EPM2A: variants seen among roughly 807,000 people sequenced by gnomAD.
EPM2A encodes laforin.
A neutral mutation model predicts 26.5 loss-of-function variants in EPM2A; 21 were observed. The ratio of observed to expected loss-of-function variants is 0.79; its 90% CI spans 0.56 to 1.14. The LOEUF is 1.14. Ranked by LOEUF, EPM2A falls within the 50% of genes most tolerant of loss-of-function variation. The pLI, the probability that EPM2A is intolerant of heterozygous loss-of-function variation, is 0.00. For missense variants in EPM2A, 458 were observed against 440.8 expected (o/e 1.04, Z -0.35); for synonymous variants, 217 against 177.6 (o/e 1.22, Z -1.76).
At chr6:145,526,274 T>A (rs377343618) in intron 2 of EPM2A, among the ~76,000 whole-genome samples, 104 of 152,132 alleles carry the variant, frequency 6.8e-4, no homozygotes, top group African/African-American at 2.4e-3. Context: ...CTTCCCAGGT[T>A]TGAGTATCAG....
intron 2 of EPM2A, among the ~76,000 whole-genome samples, chr6:145,503,346 A>G (rs1779922435): frequency 6.9e-6 from 1 of 145,958 alleles, no homozygotes; most frequent in Non-Finnish European, 1.5e-5. Flanking sequence ...AGAAAACCCC[A>G]TCGTCTCAGC....
chr6:145,618,812 T>G (rs1775570081), intron 2 of EPM2A, among the ~76,000 whole-genome samples: 1 of 152,122 alleles, frequency 6.6e-6, no homozygotes, highest in Admixed American at 6.5e-5. Context: ...TACTTTTTTC[T>G]GAGAAAAACG....
chr6:145,427,826 T>C (rs947007217), intron 4 of EPM2A, among the ~76,000 whole-genome samples: 1 of 152,174 alleles, frequency 6.6e-6, no homozygotes, highest in Non-Finnish European at 1.5e-5. Flanking sequence ...ACTTTCTTAT[T>C]GTTAGTATTT....
chr6:145,650,862 A>G (rs1777835622), intron 2 of EPM2A, among the ~76,000 whole-genome samples: 1 of 152,186 alleles, frequency 6.6e-6, no homozygotes, highest in African/African-American at 2.4e-5. Context: ...TTTCTTAGGC[A>G]CTGTGCTAGA....
At chr6:145,465,007 T>C (rs1779370145) in intron 4 of EPM2A, among the ~76,000 whole-genome samples, 1 of 152,104 alleles carries the variant, frequency 6.6e-6, no homozygotes, top group Non-Finnish European at 1.5e-5. Flanking sequence ...ATTTCCTGAA[T>C]CTGAATGTTG....
intron 1 of EPM2A, among the ~76,000 whole-genome samples, chr6:145,710,695 A>G (rs1183461870): frequency 6.6e-6 from 1 of 152,188 alleles, no homozygotes; most frequent in Non-Finnish European, 1.5e-5. Flanking sequence ...GGCATTATTC[A>G]CAATAGCAAA....
intron 1 of EPM2A, among the ~76,000 whole-genome samples, chr6:145,727,054 T>C (rs1480530263): frequency 6.6e-6 from 1 of 152,132 alleles, no homozygotes. Context: ...TAAAAATACA[T>C]GTAATATAAT....
At chr6:145,530,199 C>A (rs1461466980) in intron 2 of EPM2A, among the ~76,000 whole-genome samples, 2 of 152,170 alleles carry the variant, frequency 1.3e-5, no homozygotes, top group African/African-American at 4.8e-5. Flanking sequence ...TGCCTTTCCC[C>A]TAATTAGGAA....
At chr6:145,648,763 G>C (rs1777667043) in intron 2 of EPM2A, among the ~76,000 whole-genome samples, 1 of 152,166 alleles carries the variant, frequency 6.6e-6, no homozygotes, top group Admixed American at 6.5e-5. Context: ...CAGAGCCTGG[G>C]AGAGAGATCA....
chr6:145,655,197 A>C (rs1343601554), intron 2 of EPM2A, among the ~76,000 whole-genome samples: 2 of 152,154 alleles, frequency 1.3e-5, no homozygotes, highest in African/African-American at 2.4e-5. Flanking sequence ...AAAAAAAAAA[A>C]AAAACAGGAT....
At chr6:145,431,841 A>G (rs1168524448) in intron 4 of EPM2A, among the ~76,000 whole-genome samples, 2 of 152,216 alleles carry the variant, frequency 1.3e-5, no homozygotes, top group Non-Finnish European at 2.9e-5. Context: ...TTTACCCACA[A>G]TAGAACTTCT....
intron 2 of EPM2A, among the ~76,000 whole-genome samples, chr6:145,614,656 G>A (rs1330768417): frequency 2.0e-5 from 3 of 152,182 alleles, no homozygotes; most frequent in Admixed American, 6.5e-5. Flanking sequence ...GGAGGCCTAA[G>A]GAGAGGGAGA....
chr6:145,515,401 A>T (rs1248991216), intron 2 of EPM2A, among the ~76,000 whole-genome samples: 1 of 152,182 alleles, frequency 6.6e-6, no homozygotes, highest in Non-Finnish European at 1.5e-5. Context: ...GGTCTTCTGT[A>T]GTAGAATACT....
intron 1 of EPM2A, among the ~76,000 whole-genome samples, chr6:145,704,935 A>G (rs1225384343): frequency 1.3e-5 from 2 of 152,250 alleles, no homozygotes. Flanking sequence ...TTATGCTTTA[A>G]GACAGCGTTG....
intron 2 of EPM2A, among the ~76,000 whole-genome samples, chr6:145,567,680 C>G (rs1371424615): frequency 6.6e-6 from 1 of 152,188 alleles, no homozygotes; most frequent in Admixed American, 6.5e-5. Context: ...ACTCTTTCCC[C>G]AACCAAGCAC....
intron 2 of EPM2A, among the ~76,000 whole-genome samples, chr6:145,507,751 T>C (rs144286549): frequency 8.0e-4 from 122 of 151,882 alleles, no homozygotes; most frequent in East Asian, 8.0e-3. Flanking sequence ...GTATGGAGAG[T>C]GTCCCAGCAG....
chr6:145,668,411 G>A (rs1779393776), intron 2 of EPM2A, among the ~76,000 whole-genome samples: 1 of 152,064 alleles, frequency 6.6e-6, no homozygotes, highest in African/African-American at 2.4e-5. Flanking sequence ...GAGAAAAAAA[G>A]GTTTCAGGTC....
At chr6:145,464,905 A>C (rs1779368669) in intron 4 of EPM2A, among the ~76,000 whole-genome samples, 1 of 152,028 alleles carries the variant, frequency 6.6e-6, no homozygotes, top group African/African-American at 2.4e-5. Context: ...GCTGCCCTTA[A>C]CATTTTTTCC....
At chr6:145,659,190 T>A (rs537984055) in intron 2 of EPM2A, among the ~76,000 whole-genome samples, 11 of 152,066 alleles carry the variant, frequency 7.2e-5, no homozygotes, top group Non-Finnish European at 1.5e-4. Flanking sequence ...TATCTAAAAT[T>A]ATTAACCAAC....
Sources: allele counts gnomAD v4.1 joint callset (sites outside exome capture counted in the v4.1 genomes callset), GRCh38; gene constraint gnomAD v4.1.1; transcripts MANE v1.5; gene names NCBI Gene and HGNC (gene_info 2026-07-23, HGNC 2026-07-21).